POGZ: variants seen among roughly 807,000 people sequenced by gnomAD.
The protein encoded by POGZ is pogo transposable element derived with ZNF domain, also known as pogo transposable element with ZNF domain.
POGZ carries 17 observed loss-of-function variants against 134.6 expected under a neutral mutation model. The observed-to-expected ratio is 0.13, with a 90% CI of 0.09 to 0.19. The LOEUF is 0.19. Ranked by LOEUF, POGZ falls within the 10% of genes least tolerant of loss-of-function variation. The pLI is 1.00. For missense variants in POGZ, 1,306 were observed against 1,769.7 expected (o/e 0.74, Z 4.70); for synonymous variants, 693 against 657.1 (o/e 1.05, Z -0.84).
Position 151,404,677 on chromosome 1 carries a change from T to G in POGZ, c.*125A>C. ...AGTGTAAGTCAACTTCAGGGGGGAGTGGTGGTATAAAATTAAAAAATAGAA... is the reference window on the plus strand; with the variant it reads ...AGTGTAAGTCAACTTCAGGGGGGAGGGGTGGTATAAAATTAAAAAATAGAA... On this transcript the variant is annotated 3_prime_UTR_variant, in exon 19 of 19. Transcript: ENST00000271715. The G allele has an allele frequency of 7.1e-7, 1 of 1,409,500 alleles. No homozygotes were observed. The highest frequency in any genetic ancestry group is 9.2e-7 in the Non-Finnish European group (1 of 1,085,124). The allele number at this position is 1,409,500 out of a possible 1,614,324, so 87.3% of individuals were successfully genotyped here.
At chr1:151,448,388 G>A (rs1027999097) in intron 1 of POGZ, among the ~76,000 whole-genome samples, 5 of 152,032 alleles carry the variant, frequency 3.3e-5, no homozygotes, top group Non-Finnish European at 7.4e-5. Flanking sequence ...GAGGTGAGAG[G>A]ATTACCTGAG....
chr1:151,440,079 A>T (rs931484916), intron 3 of POGZ, among the ~76,000 whole-genome samples: 2 of 152,150 alleles, frequency 1.3e-5, no homozygotes, highest in African/African-American at 4.8e-5. Flanking sequence ...ATCACCACAT[A>T]TAACATATAG....
Position 151,458,273 on chromosome 1 carries a change from T to C in POGZ, c.-2+879A>G, listed in dbSNP as rs113367689. On this transcript the variant is annotated intron_variant, in intron 1 of 18. Transcript: ENST00000271715. ...ACTCCTTTGCAAAAGGTGCCAAGAA[T>C]CTAAATAAAATAGTCCCCGGGATAA... 4.2e-3 allele frequency among the ~76,000 whole-genome samples: 637 copies of C among 151,758 alleles called. 6 individuals are homozygous for C. The highest frequency in any genetic ancestry group is 0.013 in the African/African-American group (556 of 41,384).
chr1:151,459,378 G>A lies in POGZ; in HGVS notation c.-228C>T, dbSNP rs944163960. On this transcript the variant is annotated 5_prime_UTR_variant, in exon 1 of 19. Coordinates refer to ENST00000271715, the MANE Select transcript of POGZ (RefSeq NM_015100.4). ...GATTTTTTTCCCGAGGGGGGCGGGG[G>A]GGCCCCGAGGGAGGGGGGTGGGGGG... 1.4e-5 allele frequency: 2 copies of A among 148,036 alleles called. No individual in the cohort carries two copies. The highest frequency in any genetic ancestry group is 3.0e-5 in the Non-Finnish European group (2 of 66,798). 9.2% of individuals were successfully genotyped at this position (148,036 alleles called of 1,614,324 possible). A position where few individuals can be genotyped will look rare whatever the true frequency, so the allele number is the denominator to read the frequency against.
intron 10 of POGZ, among the ~76,000 whole-genome samples, chr1:151,422,843 C>T (rs777823386): frequency 6.6e-6 from 1 of 152,170 alleles, no homozygotes; most frequent in Non-Finnish European, 1.5e-5. Flanking sequence ...CTGCCTGCTT[C>T]GGCCTCCCAA....
chr1:151,420,254 G>T (rs1308580645), intron 10 of POGZ, among the ~76,000 whole-genome samples: 2 of 152,178 alleles, frequency 1.3e-5, no homozygotes, highest in Non-Finnish European at 2.9e-5. Context: ...TACTGACAGT[G>T]AAGAATCGTG....
At chr1:151,453,757 G>A (rs896914973) in intron 1 of POGZ, among the ~76,000 whole-genome samples, 2 of 152,122 alleles carry the variant, frequency 1.3e-5, no homozygotes, top group African/African-American at 2.4e-5. Context: ...ATACTCTCCT[G>A]GAGGGAAGGG....
At position 151,411,665 on chromosome 1, in the gene POGZ, T is replaced by A; in HGVS notation, c.1886A>T (p.Lys629Ile). The A allele has an allele frequency of 6.2e-7, 1 of 1,613,488 alleles. No individual in the cohort carries two copies. Among genetic ancestry groups the A allele is most frequent in the Non-Finnish European group, 8.5e-7 (1 of 1,179,702 alleles). Residue 629 changes from lysine (K) to isoleucine (I), a missense_variant, in exon 12 of 19, where the codon AAA (lysine) becomes ATA (isoleucine). By Grantham distance (102) the Lys-to-Ile change is moderately radical (BLOSUM62 -3). Around this residue, in one of 10 missense-constraint regions of POGZ, gnomAD observed 149 missense variants for 237.5 expected, o/e 0.63. Coordinates refer to ENST00000271715, the MANE Select transcript of POGZ (RefSeq NM_015100.4). ...LLCPYCLKVF[K>I]NGNAFQQHYM... ...ATGCTGTTGGAATGCATTGCCATTTTTGAAGACCTTCAGGCAATAAGGGCA... is the reference window on the plus strand; with the variant it reads ...ATGCTGTTGGAATGCATTGCCATTTATGAAGACCTTCAGGCAATAAGGGCA...
intron 4 of POGZ, 125 bp from the exon 5 acceptor site, chr1:151,429,836 G>A: frequency 2.0e-6 from 1 of 490,218 alleles, no homozygotes; most frequent in Non-Finnish European, 3.6e-6. Context: ...TCTAGAATTA[G>A]AGGTTTCAAA....
At position 151,403,236 on chromosome 1, in the gene POGZ, G is replaced by A. The variant is rs1461543492; in HGVS notation, c.*1566C>T. The A allele has an allele frequency of 1.0e-6, 1 of 985,624 alleles. No individual in the cohort carries two copies. Among genetic ancestry groups the A allele is most frequent in the African/African-American group, 1.7e-5 (1 of 57,200 alleles). The allele number at this position is 985,624 out of a possible 1,614,324, so 61.1% of individuals were successfully genotyped here. On this transcript the variant is annotated 3_prime_UTR_variant, in exon 19 of 19. Transcript: ENST00000271715. ...AACAAACAAAAAAGCAGGGTGGGGT[G>A]GGAGAAATGGGTGGTAACAAATGTC...
intron 12 of POGZ, among the ~76,000 whole-genome samples, chr1:151,409,953 C>T (rs765569150): frequency 6.6e-6 from 1 of 152,138 alleles, no homozygotes; most frequent in East Asian, 1.9e-4. Flanking sequence ...AGACAATTTC[C>T]ATGCCCCTAT....
At chr1:151,438,900 T>C (rs962516890) in intron 3 of POGZ, 1 of 151,326 alleles carries the variant, frequency 6.6e-6, no homozygotes, top group Non-Finnish European at 1.5e-5. Flanking sequence ...AAAAAGAAGA[T>C]GCACAGCCAT....
intron 3 of POGZ, among the ~76,000 whole-genome samples, chr1:151,432,452 G>C (rs1183788475): frequency 6.6e-6 from 1 of 152,186 alleles, no homozygotes; most frequent in Admixed American, 6.5e-5. Context: ...CAGAAGACCA[G>C]TGATTGTAGA....
chr1:151,443,253 A>G (rs1448534776), intron 1 of POGZ, among the ~76,000 whole-genome samples: 1 of 152,180 alleles, frequency 6.6e-6, no homozygotes, highest in Non-Finnish European at 1.5e-5. Flanking sequence ...TAAATTTTGC[A>G]TCTAAGATGA....
intron 1 of POGZ, among the ~76,000 whole-genome samples, chr1:151,455,898 T>C (rs56247549): frequency 5.7e-5 from 8 of 141,064 alleles, no homozygotes; most frequent in East Asian, 2.1e-4. Context: ...TTCTTTCTTT[T>C]TTTTTTTTTT....
intron 7 of POGZ, 185 bp downstream of exon 7, chr1:151,427,638 T>C: frequency 1.7e-6 from 1 of 573,076 alleles, no homozygotes; most frequent in South Asian, 2.2e-5. Flanking sequence ...ACATAATTTC[T>C]TGGAGCTGAT....
chr1:151,430,531 A>G, intron 4 of POGZ, 135 bp downstream of exon 4: 1 of 626,454 alleles, frequency 1.6e-6, no homozygotes, highest in Non-Finnish European at 2.7e-6. Flanking sequence ...ATTACAGAAC[A>G]GTAAAAGAGA....
chr1:151,458,882 C>T (rs935837555), intron 1 of POGZ, among the ~76,000 whole-genome samples: 1 of 143,466 alleles, frequency 7.0e-6, no homozygotes, highest in African/African-American at 2.6e-5. Context: ...GGACCTCCGC[C>T]GCCGGCCCTT....
chr1:151,427,818 T>G lies in POGZ; in HGVS notation c.1078+5A>C. 6.3e-7 allele frequency: 1 copy of G among 1,593,438 alleles called. No individual in the cohort carries two copies. The highest frequency in any genetic ancestry group is 8.6e-7 in the Non-Finnish European group (1 of 1,161,360). On this transcript the variant is annotated splice_donor_5th_base_variant and intron_variant, in intron 7 of 18. Coordinates refer to ENST00000271715, the MANE Select transcript of POGZ (RefSeq NM_015100.4). ...GGCTGCTCAGAGTCTTTCAGGTTATTGTACCTTTCATTGAAGACTCAGGTC... is the reference window on the plus strand; with the variant it reads ...GGCTGCTCAGAGTCTTTCAGGTTATGGTACCTTTCATTGAAGACTCAGGTC...
Sources: gnomAD v4.1 joint callset for allele counts (sites outside exome capture counted in the v4.1 genomes callset) on GRCh38, gnomAD v4.1.1 for gene constraint, gnomAD v4.1.1 regional missense constraint, MANE v1.5 for transcripts, NCBI Gene and HGNC (gene_info 2026-07-23, HGNC 2026-07-21) for gene names.